SYK: variants seen among roughly 807,000 people sequenced by gnomAD.
SYK encodes tyrosine-protein kinase SYK.
SYK carries 16 observed loss-of-function variants against 77.8 expected under a neutral mutation model. The observed-to-expected ratio is 0.21, with a 90% CI of 0.14 to 0.31. The LOEUF is 0.31. SYK is among the 10% of genes least tolerant of loss of function. The pLI, the probability that SYK is intolerant of heterozygous loss-of-function variation, is 1.00. For missense variants in SYK, 529 were observed against 814.4 expected, an observed-to-expected ratio of 0.65 and a Z score of 4.26; for synonymous variants, 312 against 308.7, an observed-to-expected ratio of 1.01 and a Z score of -0.11.
intron 1 of SYK, among the ~76,000 whole-genome samples, chr9:90,811,335 C>T (rs1490140725): frequency 3.3e-5 from 5 of 152,046 alleles, no homozygotes; most frequent in African/African-American, 1.2e-4. Context: ...CTGACAGGGC[C>T]GTTTGGTAAT....
intron 13 of SYK, among the ~76,000 whole-genome samples, chr9:90,890,824 T>C (rs935610450): frequency 6.6e-6 from 1 of 152,224 alleles, no homozygotes; most frequent in Non-Finnish European, 1.5e-5. Context: ...TCTGGGGTAA[T>C]ACCTGAGCTC....
chr9:90,818,729 A>G (rs1277732091), intron 1 of SYK, among the ~76,000 whole-genome samples: 4 of 152,250 alleles, frequency 2.6e-5, no homozygotes, highest in Middle Eastern at 3.2e-3. Flanking sequence ...AACAGTCCCA[A>G]TAAAGTGGAA....
chr9:90,847,890 C>T (rs533998156), intron 3 of SYK, among the ~76,000 whole-genome samples: 17 of 152,328 alleles, frequency 1.1e-4, no homozygotes, highest in African/African-American at 4.1e-4. Context: ...GTCTCCTTGT[C>T]AGGGTATCTT....
intron 11 of SYK, among the ~76,000 whole-genome samples, chr9:90,884,772 TATACAC>T (rs1265631395): frequency 2.5e-5 from 1 of 40,006 alleles, no homozygotes; most frequent in Non-Finnish European, 4.0e-5. Context: ...TACATGCACA[TATACAC>T]ATGTGTACAT....
chr9:90,830,908 C>G (rs1038278137), intron 1 of SYK, among the ~76,000 whole-genome samples: 1 of 152,022 alleles, frequency 6.6e-6, no homozygotes, highest in Non-Finnish European at 1.5e-5. Context: ...GAAAATTAAC[C>G]CACAGATGAA....
intron 1 of SYK, among the ~76,000 whole-genome samples, chr9:90,832,497 A>G (rs1825931030): frequency 6.6e-6 from 1 of 152,230 alleles, no homozygotes; most frequent in Non-Finnish European, 1.5e-5. Context: ...AAACGTGGAC[A>G]TGAAAGAAGC....
At chr9:90,847,394 C>T (rs1826640971) in intron 3 of SYK, among the ~76,000 whole-genome samples, 1 of 152,064 alleles carries the variant, frequency 6.6e-6, no homozygotes, top group East Asian at 2.0e-4. Flanking sequence ...TCTTCTTCTC[C>T]TGGGTTCTTA....
chr9:90,860,332 C>T (rs1827207021), intron 3 of SYK, among the ~76,000 whole-genome samples: 1 of 152,208 alleles, frequency 6.6e-6, no homozygotes. Flanking sequence ...AACTATAAGC[C>T]ACTGATATGT....
At chr9:90,822,234 A>G (rs1020488859) in intron 1 of SYK, among the ~76,000 whole-genome samples, 1 of 152,250 alleles carries the variant, frequency 6.6e-6, no homozygotes, top group African/African-American at 2.4e-5. Context: ...TTTTCGAAAC[A>G]GTTGAACTGT....
At chr9:90,894,873 C>T (rs1213415122) in intron 13 of SYK, among the ~76,000 whole-genome samples, 1 of 152,188 alleles carries the variant, frequency 6.6e-6, no homozygotes, top group African/African-American at 2.4e-5. Context: ...AGTTTACTGA[C>T]ATTAGTGCCT....
intron 1 of SYK, among the ~76,000 whole-genome samples, chr9:90,831,168 C>T (rs1253651058): frequency 6.6e-6 from 1 of 152,162 alleles, no homozygotes; most frequent in African/African-American, 2.4e-5. Flanking sequence ...GATAGGAGGG[C>T]TCTAATGGCC....
intron 1 of SYK, among the ~76,000 whole-genome samples, chr9:90,837,805 G>C (rs1011846210): frequency 2.0e-5 from 3 of 152,238 alleles, no homozygotes; most frequent in African/African-American, 4.8e-5. Flanking sequence ...AAGCTACTCA[G>C]AGGACCTGGA....
intron 1 of SYK, among the ~76,000 whole-genome samples, chr9:90,821,680 T>G (rs892543438): frequency 6.6e-6 from 1 of 152,182 alleles, no homozygotes; most frequent in Non-Finnish European, 1.5e-5. Flanking sequence ...ACATGCATAT[T>G]CCAGACGCTC....
rs1828284506 is a variant in SYK, at chr9:90,884,188, C to CACGCATAT, written c.1582-3559_1582-3558insGCATATAC. Among the ~76,000 whole-genome samples the CACGCATAT allele has an allele frequency of 4.7e-3, 496 of 106,374 alleles. 12 individuals are homozygous for CACGCATAT. The highest frequency in any genetic ancestry group is 6.3e-3 in the Non-Finnish European group (295 of 46,968). The allele number at this position is 106,374 out of a possible 152,430, so 69.8% of individuals were successfully genotyped here. A position where few individuals can be genotyped will look rare whatever the true frequency, so the allele number is the denominator to read the frequency against. On this transcript the variant is annotated intron_variant, in intron 11 of 13. Transcript: ENST00000375754. The stretch of plus-strand genomic sequence containing the variant: ...ACACATACACATACGTGTATATATA[C>CACGCATAT]ACACATACACATACGTGTATATATA...
intron 1 of SYK, among the ~76,000 whole-genome samples, chr9:90,802,333 C>A (rs1826763624): frequency 1.3e-5 from 2 of 152,180 alleles, no homozygotes; most frequent in Admixed American, 1.3e-4. Context: ...CAGTGTTTAT[C>A]AAAGTTACTC....
intron 1 of SYK, among the ~76,000 whole-genome samples, chr9:90,818,691 C>A (rs1825392230): frequency 6.6e-6 from 1 of 152,170 alleles, no homozygotes; most frequent in Admixed American, 6.5e-5. Flanking sequence ...TGTTATTTTA[C>A]CATTTATGCC....
intron 3 of SYK, among the ~76,000 whole-genome samples, chr9:90,856,873 G>A (rs559880385): frequency 6.6e-6 from 1 of 152,212 alleles, no homozygotes; most frequent in African/African-American, 2.4e-5. Context: ...CTGAGTATTC[G>A]ATGCTGGGAA....
At chr9:90,837,714 T>C (rs1814231872) in intron 1 of SYK, among the ~76,000 whole-genome samples, 1 of 152,180 alleles carries the variant, frequency 6.6e-6, no homozygotes, top group Non-Finnish European at 1.5e-5. Context: ...TTCCAATACC[T>C]GAGAGATGGC....
At chr9:90,879,212 G>A (rs1220790904) in intron 11 of SYK, among the ~76,000 whole-genome samples, 2 of 152,190 alleles carry the variant, frequency 1.3e-5, no homozygotes, top group Non-Finnish European at 2.9e-5. Flanking sequence ...ATTAAGTGAA[G>A]ATTTGTTTTG....
Sources: gnomAD v4.1 joint callset for allele counts (sites outside exome capture counted in the v4.1 genomes callset) on GRCh38, gnomAD v4.1.1 for gene constraint, MANE v1.5 for transcripts, NCBI Gene and HGNC (gene_info 2026-07-23, HGNC 2026-07-21) for gene names.